ITPR2: variants seen among roughly 807,000 people sequenced by gnomAD.
ITPR2 encodes the protein inositol 1,4,5-trisphosphate-gated calcium channel ITPR2.
ITPR2 carries 207 observed loss-of-function variants against 317.1 expected under a neutral mutation model. That is an observed-to-expected ratio of 0.65 (90% confidence interval 0.58 to 0.73). ITPR2 has a LOEUF of 0.73. Among genes scored for constraint, ITPR2 ranks in the 30% least tolerant of loss-of-function variants. The pLI is 0.00. For missense variants in ITPR2, 2,613 were observed against 3,284.0 expected (o/e 0.80, Z 4.99); for synonymous variants, 1,156 against 1,149.1 (o/e 1.01, Z -0.12).
At chr12:26,599,488 A>C (rs1229830258) in intron 29 of ITPR2, 143 bp from the exon 30 acceptor site, 4 of 702,958 alleles carry the variant, frequency 5.7e-6, no homozygotes, top group Non-Finnish European at 9.5e-6. Context: ...CTTTCAAAAA[A>C]TGCGATGAGA....
chr12:26,745,000 G>A (rs1949295071), intron 2 of ITPR2, among the ~76,000 whole-genome samples: 2 of 152,242 alleles, frequency 1.3e-5, no homozygotes, highest in African/African-American at 4.8e-5. Flanking sequence ...GATGGTAGGT[G>A]CAACCTTTTT....
chr12:26,686,338 A>ACTCTTC, intron 11 of ITPR2, 143 bp downstream of exon 11: 1 of 483,670 alleles, frequency 2.1e-6, no homozygotes, highest in Non-Finnish European at 3.4e-6. Context: ...CTCCTCACAG[A>ACTCTTC]AGAGATACAA....
At chr12:26,768,992 A>C (rs1316155102) in intron 2 of ITPR2, among the ~76,000 whole-genome samples, 1 of 43,310 alleles carries the variant, frequency 2.3e-5, no homozygotes, top group South Asian at 8.5e-4. Flanking sequence ...GTCATCCAGT[A>C]GAACACACAC....
intron 5 of ITPR2, among the ~76,000 whole-genome samples, chr12:26,716,890 A>G (rs1461173111): frequency 6.6e-6 from 1 of 152,162 alleles, no homozygotes; most frequent in Non-Finnish European, 1.5e-5. Context: ...AAAAACTAAA[A>G]TTGATTCTTG....
At chr12:26,599,386 C>A (rs754590400) in intron 29 of ITPR2, 41 bp from the exon 30 acceptor site, 3 of 1,566,292 alleles carry the variant, frequency 1.9e-6, no homozygotes, top group South Asian at 2.2e-5. Flanking sequence ...CTGACAAGAT[C>A]AATTTTCTAT....
chr12:26,531,654 T>TACACACACAC (rs144906868), intron 37 of ITPR2, among the ~76,000 whole-genome samples: 1 of 138,674 alleles, frequency 7.2e-6, no homozygotes, highest in Non-Finnish European at 1.6e-5. Flanking sequence ...TTACTGTATT[T>TACACACACAC]ACACACACAC....
At chr12:26,425,003 C>T (rs1218776697) in intron 49 of ITPR2, among the ~76,000 whole-genome samples, 6 of 151,936 alleles carry the variant, frequency 3.9e-5, no homozygotes, top group Non-Finnish European at 8.8e-5. Flanking sequence ...TAGTGTGATC[C>T]GCCCACCTCA....
At chr12:26,569,571 GAAAAGAAAAA>G (rs1333953223) in intron 34 of ITPR2, among the ~76,000 whole-genome samples, 1 of 141,344 alleles carries the variant, frequency 7.1e-6, no homozygotes, top group African/African-American at 2.6e-5. Context: ...AAAAAAATCA[GAAAAGAAAAA>G]AAGAGAAAAA....
chr12:26,664,680 A>G (rs1947581138), intron 14 of ITPR2, among the ~76,000 whole-genome samples: 2 of 151,876 alleles, frequency 1.3e-5, no homozygotes, highest in Admixed American at 1.3e-4. Context: ...TTTTGTATTC[A>G]CTAAGCCTTT....
chr12:26,364,601 T>C (rs535892499), intron 55 of ITPR2, among the ~76,000 whole-genome samples: 1 of 152,240 alleles, frequency 6.6e-6, no homozygotes, highest in South Asian at 2.1e-4. Flanking sequence ...TGGTCAACTA[T>C]TCAAATCATA....
At chr12:26,742,580 T>G (rs1166503173) in intron 2 of ITPR2, among the ~76,000 whole-genome samples, 1 of 152,096 alleles carries the variant, frequency 6.6e-6, no homozygotes, top group Non-Finnish European at 1.5e-5. Flanking sequence ...TTTGGGAGGC[T>G]GAGGCAGATG....
intron 22 of ITPR2, among the ~76,000 whole-genome samples, 198 bp from the exon 23 acceptor site, chr12:26,628,360 T>C (rs954508715): frequency 5.9e-5 from 9 of 152,202 alleles, no homozygotes; most frequent in Non-Finnish European, 1.2e-4. Flanking sequence ...GTCAGTAAAA[T>C]CCCAAAGCAA....
chr12:26,592,671 G>A (rs1945735925), intron 32 of ITPR2, among the ~76,000 whole-genome samples: 1 of 152,200 alleles, frequency 6.6e-6, no homozygotes, highest in African/African-American at 2.4e-5. Context: ...ACCCTAAGAT[G>A]CTATGATTCT....
chr12:26,632,147 A>C (rs946681498), intron 21 of ITPR2, 88 bp from the exon 22 acceptor site: 2 of 1,007,762 alleles, frequency 2.0e-6, no homozygotes, highest in African/African-American at 3.3e-5. Flanking sequence ...CCACACTGAA[A>C]AGCAGCCAGG....
chr12:26,563,485 G>A (rs1382349045), intron 34 of ITPR2, among the ~76,000 whole-genome samples: 8 of 151,928 alleles, frequency 5.3e-5, no homozygotes, highest in South Asian at 2.1e-4. Context: ...CAGGAGAATC[G>A]CTTGAACCCA....
chr12:26,720,948 C>T (rs1592068974), intron 5 of ITPR2, among the ~76,000 whole-genome samples: 2 of 152,114 alleles, frequency 1.3e-5, no homozygotes, highest in Non-Finnish European at 2.9e-5. Context: ...ACATTCCTTC[C>T]GAGCTTGAGC....
chr12:26,821,078 G>A (rs1265556304), intron 1 of ITPR2, among the ~76,000 whole-genome samples: 2 of 152,188 alleles, frequency 1.3e-5, no homozygotes, highest in African/African-American at 2.4e-5. Context: ...GCTCAACATT[G>A]TGAATGTCCT....
At chr12:26,780,049 C>T (rs1211822650) in intron 2 of ITPR2, among the ~76,000 whole-genome samples, 5 of 143,580 alleles carry the variant, frequency 3.5e-5, no homozygotes, top group Non-Finnish European at 8.0e-5. Flanking sequence ...CACCACTCAG[C>T]CTCTTTCCCC....
At chr12:26,615,138 T>C (rs959643314) in intron 26 of ITPR2, among the ~76,000 whole-genome samples, 1 of 152,104 alleles carries the variant, frequency 6.6e-6, no homozygotes, top group African/African-American at 2.4e-5. Context: ...AAAAAAGATA[T>C]GAGCGCATAA....
Sources: allele counts gnomAD v4.1 joint callset (sites outside exome capture counted in the v4.1 genomes callset), GRCh38; gene constraint gnomAD v4.1.1; transcripts MANE v1.5; gene names NCBI Gene and HGNC (gene_info 2026-07-23, HGNC 2026-07-21).